Variants in MVB12B observed in about 807,000 individuals in gnomAD.
MVB12B encodes multivesicular body subunit 12B.
In MVB12B, 16 loss-of-function variants were observed where a neutral mutation model predicts 41.6. The ratio of observed to expected loss-of-function variants is 0.38; its 90% CI spans 0.26 to 0.58. MVB12B has a LOEUF of 0.58. Among genes scored for constraint, MVB12B ranks in the 20% least tolerant of loss-of-function variants. The pLI, the probability that MVB12B is intolerant of heterozygous loss-of-function variation, is 0.62. For synonymous variants in MVB12B, 133 were observed against 139.7 expected, an observed-to-expected ratio of 0.95 and a Z score of 0.34; for missense variants, 274 against 380.2, an observed-to-expected ratio of 0.72 and a Z score of 2.32.
At chr9:126,346,198 A>G (rs2118842638) in intron 2 of MVB12B, among the ~76,000 whole-genome samples, 1 of 152,308 alleles carries the variant, frequency 6.6e-6, no homozygotes, top group Non-Finnish European at 1.5e-5. Context: ...ATAAGCAGTG[A>G]GGCAGGTGGG....
At chr9:126,385,986 G>C (rs1830778647) in intron 3 of MVB12B, among the ~76,000 whole-genome samples, 1 of 152,184 alleles carries the variant, frequency 6.6e-6, no homozygotes, top group Admixed American at 6.5e-5. Flanking sequence ...AACTTTAGGA[G>C]GCCCTTGTGC....
intron 6 of MVB12B, among the ~76,000 whole-genome samples, chr9:126,420,831 C>G (rs1402387564): frequency 6.6e-6 from 1 of 151,862 alleles, no homozygotes; most frequent in East Asian, 1.9e-4. Flanking sequence ...GCGTGAGCCA[C>G]CGCGCCCGGC....
chr9:126,336,037 G>C (rs1345543075), intron 1 of MVB12B, among the ~76,000 whole-genome samples: 1 of 152,266 alleles, frequency 6.6e-6, no homozygotes, highest in Non-Finnish European at 1.5e-5. Flanking sequence ...GATGGTGGGA[G>C]GCTGGAACGT....
Position 126,503,390 on chromosome 9 carries a change from C to G in MVB12B, c.*127C>G. On this transcript the variant is annotated 3_prime_UTR_variant, in exon 10 of 10. Coordinates refer to ENST00000361171, the MANE Select transcript of MVB12B (RefSeq NM_033446.3). The stretch of plus-strand genomic sequence containing the variant: ...CCACACTGCCCCAGCAGGGCTGGCC[C>G]GGAGACTGGGCAGCTAAGTGGGCGC... The G allele has an allele frequency of 1.3e-6, 1 of 761,264 alleles. No individual in the cohort carries two copies. Among genetic ancestry groups the G allele is most frequent in the South Asian group, 1.8e-5 (1 of 55,408 alleles). 47.2% of individuals were successfully genotyped at this position (761,264 alleles called of 1,614,324 possible). A position where few individuals can be genotyped will look rare whatever the true frequency, so the allele number is the denominator to read the frequency against.
At chr9:126,399,666 C>T (rs1006884559) in intron 6 of MVB12B, among the ~76,000 whole-genome samples, 2 of 152,254 alleles carry the variant, frequency 1.3e-5, no homozygotes, top group South Asian at 2.1e-4. Context: ...GGCTCACAAC[C>T]GCTGGAGCAC....
intron 1 of MVB12B, among the ~76,000 whole-genome samples, chr9:126,338,034 G>A (rs897797591): frequency 1.1e-4 from 16 of 152,234 alleles, no homozygotes; most frequent in African/African-American, 3.4e-4. Flanking sequence ...TTTGAGTGAT[G>A]GCCCCTGCCA....
At chr9:126,431,239 C>T (rs553709823) in intron 7 of MVB12B, among the ~76,000 whole-genome samples, 164 of 152,302 alleles carry the variant, frequency 1.1e-3, no homozygotes, top group Non-Finnish European at 1.8e-3. Context: ...CTCAGTACCC[C>T]CTGGAAGCCG....
At chr9:126,503,076 G>T in intron 9 of MVB12B, 101 bp from the exon 10 acceptor site, 2 of 1,068,068 alleles carry the variant, frequency 1.9e-6, no homozygotes, top group South Asian at 2.7e-5. Flanking sequence ...GCCCCACGAG[G>T]CGGCCCAGGC....
intron 6 of MVB12B, among the ~76,000 whole-genome samples, chr9:126,416,401 T>TCAACCACTA (rs1200972004): frequency 6.6e-6 from 1 of 152,188 alleles, no homozygotes; most frequent in Non-Finnish European, 1.5e-5. Flanking sequence ...GGCACTGCCC[T>TCAACCACTA]CAACCACTAC....
At chr9:126,464,156 G>C (rs1254750532) in intron 7 of MVB12B, among the ~76,000 whole-genome samples, 1 of 152,170 alleles carries the variant, frequency 6.6e-6, no homozygotes, top group Non-Finnish European at 1.5e-5. Context: ...TCATAATCAG[G>C]GGAAGACATC....
At chr9:126,372,196 T>C (rs1004159227) in intron 2 of MVB12B, among the ~76,000 whole-genome samples, 1 of 152,262 alleles carries the variant, frequency 6.6e-6, no homozygotes, top group African/African-American at 2.4e-5. Context: ...TTCTTCTAAG[T>C]TGCATTATGT....
chr9:126,483,592 T>A (rs1833571983), intron 8 of MVB12B, among the ~76,000 whole-genome samples: 1 of 152,086 alleles, frequency 6.6e-6, no homozygotes, highest in Non-Finnish European at 1.5e-5. Flanking sequence ...CACCTCCGGT[T>A]TATAGCTGCA....
chr9:126,358,126 G>A (rs912772567), intron 2 of MVB12B, among the ~76,000 whole-genome samples: 5 of 152,162 alleles, frequency 3.3e-5, no homozygotes, highest in African/African-American at 4.8e-5. Context: ...TCAGCTGATC[G>A]TAGATGTATA....
At chr9:126,369,562 G>A (rs1338288303) in intron 2 of MVB12B, among the ~76,000 whole-genome samples, 1 of 152,008 alleles carries the variant, frequency 6.6e-6, no homozygotes, top group Non-Finnish European at 1.5e-5. Flanking sequence ...TCATTCCTAG[G>A]TATCTTTCCA....
rs143467754 is a variant in MVB12B at position 126,454,223 on chromosome 9, G to T, written c.758-27146G>T. Among the ~76,000 whole-genome samples the T allele has an allele frequency of 5.5e-3, 838 of 152,316 alleles. 4 individuals are homozygous for T. Among genetic ancestry groups the T allele is most frequent in the Non-Finnish European group, 8.4e-3 (570 of 68,020 alleles). On this transcript the variant is annotated intron_variant, in intron 7 of 9. Transcript: ENST00000361171. ...GTTTTACACATGTGTGAAAGGAGAA[G>T]TTTGGCTGTTAAAATGTGTTCACCC... is the stretch of plus-strand genomic sequence containing the variant.
At chr9:126,455,934 A>G (rs1291933251) in intron 7 of MVB12B, among the ~76,000 whole-genome samples, 1 of 117,226 alleles carries the variant, frequency 8.5e-6, no homozygotes, top group Non-Finnish European at 1.6e-5. Context: ...TCTTTTGCCC[A>G]GGCTGGAATG....
intron 2 of MVB12B, among the ~76,000 whole-genome samples, chr9:126,342,224 G>A (rs1829462747): frequency 2.0e-5 from 3 of 152,226 alleles, no homozygotes; most frequent in South Asian, 2.1e-4. Flanking sequence ...CTGTGGGAGA[G>A]GACGGGCTCA....
chr9:126,434,245 TAA>T (rs11367096), intron 7 of MVB12B, among the ~76,000 whole-genome samples: 1 of 149,792 alleles, frequency 6.7e-6, no homozygotes, highest in African/African-American at 2.5e-5. Flanking sequence ...CATTTATGTT[TAA>T]AAAAAAAAAT....
At chr9:126,492,935 C>T (rs891633243) in intron 9 of MVB12B, among the ~76,000 whole-genome samples, 5 of 152,190 alleles carry the variant, frequency 3.3e-5, no homozygotes, top group African/African-American at 1.2e-4. Flanking sequence ...GTCTTCTGCT[C>T]GCTCTCTGCT....
Sources: allele counts gnomAD v4.1 joint callset (sites outside exome capture counted in the v4.1 genomes callset), GRCh38; gene constraint gnomAD v4.1.1; transcripts MANE v1.5; gene names NCBI Gene and HGNC (gene_info 2026-07-23, HGNC 2026-07-21).